The following MYO5A variants were observed in gnomAD, a reference collection of about 807,000 sequenced individuals.
MYO5A encodes the protein unconventional myosin-Va.
A neutral mutation model predicts 249.7 loss-of-function variants in MYO5A; 98 were observed. That is an observed-to-expected ratio of 0.39 (90% CI 0.33 to 0.46). The LOEUF is 0.46. Ranked by LOEUF, MYO5A falls within the 20% of genes least tolerant of loss-of-function variation. The pLI is 0.98. For missense variants in MYO5A, 1,696 were observed against 2,308.8 expected (o/e 0.73, Z 5.44); for synonymous variants, 778 against 810.6 (o/e 0.96, Z 0.68).
At chr15:52,346,723 G>A (rs943629884) in intron 29 of MYO5A, 1 of 523,102 alleles carries the variant, frequency 1.9e-6, no homozygotes. Flanking sequence ...TCACGGCCCT[G>A]TAAATAAAAT....
intron 1 of MYO5A, among the ~76,000 whole-genome samples, chr15:52,520,412 T>C (rs909474799): frequency 3.3e-5 from 5 of 152,168 alleles, no homozygotes; most frequent in Non-Finnish European, 5.9e-5. Context: ...TATCAGGCTC[T>C]CTTCCTCCAG....
chr15:52,479,903 C>A (rs1320376994), intron 1 of MYO5A, among the ~76,000 whole-genome samples: 1 of 152,198 alleles, frequency 6.6e-6, no homozygotes, highest in Non-Finnish European at 1.5e-5. Flanking sequence ...GGCTCCAGCT[C>A]AGCATGCCTT....
intron 1 of MYO5A, among the ~76,000 whole-genome samples, chr15:52,456,618 C>G (rs1332039729): frequency 6.6e-6 from 1 of 151,676 alleles, no homozygotes; most frequent in Non-Finnish European, 1.5e-5. Flanking sequence ...GGTATAAAAA[C>G]AGACACATAG....
At chr15:52,390,629 G>T (rs1457128181) in intron 12 of MYO5A, among the ~76,000 whole-genome samples, 1 of 144,240 alleles carries the variant, frequency 6.9e-6, no homozygotes, top group Non-Finnish European at 1.5e-5. Context: ...GCACAATCTC[G>T]GCTCACTGCA....
intron 1 of MYO5A, among the ~76,000 whole-genome samples, chr15:52,466,689 T>C (rs1308821895): frequency 1.3e-5 from 2 of 152,116 alleles, no homozygotes; most frequent in Non-Finnish European, 1.5e-5. Context: ...AGGTAGCCAC[T>C]CCCATCAGGG....
rs568045838 is a variant in MYO5A, at chr15:52,380,166, T to C, written c.2013-258A>G. Among the ~76,000 whole-genome samples, 53 of 152,274 alleles carry C rather than the reference T, an allele frequency of 3.5e-4. No homozygotes were observed. The South Asian group carries it at 3.5e-3, about 10-fold the overall frequency. On this transcript the variant is annotated intron_variant, in intron 16 of 41. Transcript: ENST00000399233. Reference sequence around the variant, plus strand: ...ACTCATAAGAGTGTGCTGGGCGAGGTAGCTCACACCTATAATCCCAGAATT... The same window carrying C: ...ACTCATAAGAGTGTGCTGGGCGAGGCAGCTCACACCTATAATCCCAGAATT...
chr15:52,393,269 T>TGG (rs1415471382), intron 11 of MYO5A, among the ~76,000 whole-genome samples: 6 of 152,360 alleles, frequency 3.9e-5, no homozygotes, highest in South Asian at 2.1e-4. Flanking sequence ...TAGGACCCCA[T>TGG]GCCCTGTGAA....
chr15:52,367,617 A>C (rs778741663), intron 22 of MYO5A, among the ~76,000 whole-genome samples: 22 of 152,142 alleles, frequency 1.4e-4, no homozygotes, highest in Non-Finnish European at 2.6e-4. Context: ...GGGGAGATTA[A>C]GGAGGTTAAG....
intron 36 of MYO5A, among the ~76,000 whole-genome samples, chr15:52,327,503 C>T (rs1425603149): frequency 6.6e-6 from 1 of 152,078 alleles, no homozygotes; most frequent in Non-Finnish European, 1.5e-5. Context: ...AGCCTAGGAA[C>T]TGGAGACCAG....
At chr15:52,458,213 T>A (rs928663146) in intron 1 of MYO5A, among the ~76,000 whole-genome samples, 2 of 152,194 alleles carry the variant, frequency 1.3e-5, no homozygotes, top group African/African-American at 4.8e-5. Flanking sequence ...TGACTATAGC[T>A]AACGACAATG....
intron 25 of MYO5A, among the ~76,000 whole-genome samples, chr15:52,356,886 T>A (rs192288712): frequency 7.9e-5 from 12 of 151,526 alleles, no homozygotes; most frequent in African/African-American, 2.7e-4. Flanking sequence ...TGTTAAGTGT[T>A]ATTCCAATTC....
chr15:52,358,950 T>A (rs1047430739), intron 25 of MYO5A, among the ~76,000 whole-genome samples: 3 of 152,180 alleles, frequency 2.0e-5, no homozygotes, highest in Admixed American at 1.3e-4. Flanking sequence ...CAGTACAGAA[T>A]CCCTGGATGG....
chr15:52,359,181 GA>G (rs1035825540), intron 25 of MYO5A, among the ~76,000 whole-genome samples: 15 of 152,162 alleles, frequency 9.9e-5, no homozygotes, highest in African/African-American at 3.6e-4. Context: ...ACTAAGACAA[GA>G]AAGGAAAGAA....
chr15:52,322,256 C>A (rs1335233924), intron 37 of MYO5A, among the ~76,000 whole-genome samples: 2 of 152,246 alleles, frequency 1.3e-5, no homozygotes, highest in African/African-American at 4.8e-5. Context: ...AACGACCCCT[C>A]TGAGGGATTC....
chr15:52,368,753 C>T (rs980472367), intron 22 of MYO5A, among the ~76,000 whole-genome samples: 1 of 152,078 alleles, frequency 6.6e-6, no homozygotes, highest in African/African-American at 2.4e-5. Context: ...AAGTTAGTGC[C>T]TACAGCTATC....
intron 4 of MYO5A, among the ~76,000 whole-genome samples, chr15:52,422,328 C>T (rs1054740924): frequency 3.9e-5 from 6 of 152,056 alleles, no homozygotes; most frequent in African/African-American, 1.4e-4. Flanking sequence ...ATGAGTTTTG[C>T]TTTTAGGATA....
intron 1 of MYO5A, among the ~76,000 whole-genome samples, chr15:52,485,198 T>C (rs1054662390): frequency 7.4e-5 from 11 of 147,838 alleles, no homozygotes; most frequent in Non-Finnish European, 1.2e-4. Flanking sequence ...TATCCTTCTC[T>C]ACTAAAGATC....
intron 1 of MYO5A, among the ~76,000 whole-genome samples, chr15:52,480,163 C>A (rs1328940381): frequency 1.3e-5 from 2 of 152,132 alleles, no homozygotes; most frequent in African/African-American, 4.8e-5. Context: ...TAATTTTCTA[C>A]AACATGTCTA....
At chr15:52,457,796 G>A (rs1156410852) in intron 1 of MYO5A, among the ~76,000 whole-genome samples, 1 of 152,128 alleles carries the variant, frequency 6.6e-6, no homozygotes, top group African/African-American at 2.4e-5. Flanking sequence ...TATGTCAAAA[G>A]CATATCTGCA....
Sources: allele counts gnomAD v4.1 joint callset (sites outside exome capture counted in the v4.1 genomes callset), GRCh38; gene constraint gnomAD v4.1.1; transcripts MANE v1.5; gene names NCBI Gene and HGNC (gene_info 2026-07-23, HGNC 2026-07-21).